The following DYRK1A variants were observed in gnomAD, a reference collection of about 807,000 sequenced individuals.
DYRK1A encodes the protein dual specificity tyrosine phosphorylation regulated kinase 1A.
Under a neutral mutation model 79.7 loss-of-function variants are expected in DYRK1A, and 9 were observed. The ratio of observed to expected loss-of-function variants is 0.11; its 90% CI spans 0.07 to 0.20. The LOEUF (loss-of-function observed/expected upper bound fraction) is 0.20, where lower values mean the gene tolerates loss of function less well. Among genes scored for constraint, DYRK1A ranks in the 10% least tolerant of loss-of-function variants. DYRK1A has a pLI of 1.00. For missense variants in DYRK1A, 622 were observed against 956.0 expected (o/e 0.65, Z 4.61); for synonymous variants, 349 against 329.7 (o/e 1.06, Z -0.63).
At chr21:37,442,737 A>G (rs942565261) in intron 2 of DYRK1A, among the ~76,000 whole-genome samples, 1 of 151,632 alleles carries the variant, frequency 6.6e-6, no homozygotes, top group African/African-American at 2.4e-5. Context: ...GCATGCCTGA[A>G]CTGTAGTTTT....
Position 37,516,229 on chromosome 21 carries a change from G to A in DYRK1A, c.*3698G>A, listed in dbSNP as rs973848957. The A allele has an allele frequency of 6.6e-6, 1 of 152,120 alleles. No homozygotes were observed. The highest frequency in any genetic ancestry group is 2.4e-5 in the African/African-American group (1 of 41,406). 9.4% of individuals were successfully genotyped at this position (152,120 alleles called of 1,614,324 possible). ...ATGGTTCATTCCAAATACATGACTT[G>A]GTCTTACTGCTATATATGAAGGAAG... On this transcript the variant is annotated 3_prime_UTR_variant, in exon 12 of 12. Coordinates refer to ENST00000647188, the MANE Select transcript of DYRK1A (RefSeq NM_001347721.2).
At chr21:37,467,828 C>T (rs1404128327) in intron 2 of DYRK1A, among the ~76,000 whole-genome samples, 1 of 152,078 alleles carries the variant, frequency 6.6e-6, no homozygotes, top group African/African-American at 2.4e-5. Context: ...TCTGTTACCT[C>T]CTTTTTAAAT....
intron 1 of DYRK1A, among the ~76,000 whole-genome samples, chr21:37,409,298 C>T (rs779863671): frequency 1.3e-5 from 2 of 152,144 alleles, no homozygotes; most frequent in Admixed American, 6.5e-5. Flanking sequence ...TTTGATAATA[C>T]AGCAATTCTG....
At chr21:37,451,258 A>G (rs1426158108) in intron 2 of DYRK1A, among the ~76,000 whole-genome samples, 5 of 152,192 alleles carry the variant, frequency 3.3e-5, no homozygotes, top group African/African-American at 1.2e-4. Flanking sequence ...AAATTAGTGT[A>G]GCTTAAATGT....
At position 37,512,765 on chromosome 21, in the gene DYRK1A, G is replaced by C. The variant is rs1462920352; in HGVS notation, c.*234G>C. The C allele has an allele frequency of 1.7e-5, 8 of 484,360 alleles. No homozygotes were observed. In the East Asian group the frequency reaches 2.2e-4, roughly 13 times the overall value. 30.0% of individuals were successfully genotyped at this position (484,360 alleles called of 1,614,324 possible). ...GATAGCTCAGAGGTATCCTCTTTTT[G>C]CTCCCCCATTTTAACTTGCCACATC... is the stretch of plus-strand genomic sequence containing the variant. On this transcript the variant is annotated 3_prime_UTR_variant, in exon 12 of 12. Transcript: ENST00000647188.
At chr21:37,456,632 T>C (rs1018503117) in intron 2 of DYRK1A, among the ~76,000 whole-genome samples, 5 of 152,154 alleles carry the variant, frequency 3.3e-5, no homozygotes, top group African/African-American at 1.2e-4. Flanking sequence ...CTAATGTGTC[T>C]TGAGCACTTT....
chr21:37,517,638 A>T lies in DYRK1A; in HGVS notation c.*5107A>T, dbSNP rs1292835087. 6.6e-6 allele frequency: 1 copy of T among 152,274 alleles called. No individual in the cohort carries two copies. The highest frequency in any genetic ancestry group is 2.4e-5 in the African/African-American group (1 of 41,442). 9.4% of individuals were successfully genotyped at this position (152,274 alleles called of 1,614,324 possible). A position where few individuals can be genotyped will look rare whatever the true frequency, so the allele number is the denominator to read the frequency against. On this transcript the variant is annotated 3_prime_UTR_variant, in exon 12 of 12. Coordinates refer to ENST00000647188, the MANE Select transcript of DYRK1A (RefSeq NM_001347721.2). Reference sequence around the variant, plus strand: ...TTCTGCACTAGGGTGGCCAGGAAGCAGCCAAGCAGGTGTGCCGGGCAGGGA... The same window carrying T: ...TTCTGCACTAGGGTGGCCAGGAAGCTGCCAAGCAGGTGTGCCGGGCAGGGA...
At chr21:37,411,699 G>A (rs1446008676) in intron 1 of DYRK1A, among the ~76,000 whole-genome samples, 1 of 152,126 alleles carries the variant, frequency 6.6e-6, no homozygotes, top group Non-Finnish European at 1.5e-5. Flanking sequence ...ACAATTTTAA[G>A]GTTTAAGTTT....
At chr21:37,368,382 C>G (rs767256397) in intron 1 of DYRK1A, among the ~76,000 whole-genome samples, 55 of 152,208 alleles carry the variant, frequency 3.6e-4, no homozygotes, top group Non-Finnish European at 7.8e-4. Flanking sequence ...ACCAAAGCTG[C>G]TGAGTAGCTC....
intron 1 of DYRK1A, among the ~76,000 whole-genome samples, chr21:37,374,220 G>A (rs1483042511): frequency 2.0e-5 from 3 of 151,678 alleles, no homozygotes; most frequent in Non-Finnish European, 2.9e-5. Context: ...ATGTCTTCTT[G>A]CTCATACCCT....
chr21:37,425,385 T>C (rs2050590258), intron 2 of DYRK1A, among the ~76,000 whole-genome samples: 1 of 152,244 alleles, frequency 6.6e-6, no homozygotes, highest in Non-Finnish European at 1.5e-5. Flanking sequence ...CATTGCTTTT[T>C]ATGTTTCATA....
At chr21:37,447,990 T>G (rs1293356015) in intron 2 of DYRK1A, among the ~76,000 whole-genome samples, 1 of 152,230 alleles carries the variant, frequency 6.6e-6, no homozygotes. Flanking sequence ...ATTCCCACTC[T>G]TCAAGGTGTT....
intron 7 of DYRK1A, 122 bp downstream of exon 7, chr21:37,490,583 CAG>C: frequency 2.7e-6 from 1 of 366,678 alleles, no homozygotes; most frequent in Non-Finnish European, 4.1e-6. Flanking sequence ...GCTGTTTTTG[CAG>C]TGGCAAAAAC....
chr21:37,387,917 TAAAAA>T (rs2049791894), intron 1 of DYRK1A, among the ~76,000 whole-genome samples: 1 of 152,138 alleles, frequency 6.6e-6, no homozygotes, highest in Non-Finnish European at 1.5e-5. Flanking sequence ...TGGATTTCGT[TAAAAA>T]GAAAACACAA....
intron 1 of DYRK1A, among the ~76,000 whole-genome samples, chr21:37,382,593 C>T (rs1027714372): frequency 6.6e-5 from 10 of 152,232 alleles, no homozygotes; most frequent in African/African-American, 2.2e-4. Context: ...GATCTTCAAC[C>T]TTTTGGCAGA....
chr21:37,427,142 C>T (rs1016827625), intron 2 of DYRK1A, among the ~76,000 whole-genome samples: 2 of 152,166 alleles, frequency 1.3e-5, no homozygotes, highest in African/African-American at 4.8e-5. Context: ...GAGAGTCTTG[C>T]TGTGTTGCCT....
chr21:37,393,250 C>T (rs556397616), intron 1 of DYRK1A, among the ~76,000 whole-genome samples: 5 of 152,184 alleles, frequency 3.3e-5, no homozygotes, highest in South Asian at 2.1e-4. Flanking sequence ...TGTGCTTTAC[C>T]GACAGCAGGT....
chr21:37,459,083 A>G (rs752562111), intron 2 of DYRK1A, among the ~76,000 whole-genome samples: 1 of 152,214 alleles, frequency 6.6e-6, no homozygotes, highest in East Asian at 1.9e-4. Flanking sequence ...TCTGACAACT[A>G]CTATAATAGT....
intron 4 of DYRK1A, among the ~76,000 whole-genome samples, chr21:37,479,612 GTTTTTTGTTTTTT>G (rs1384301594): frequency 6.1e-4 from 29 of 47,174 alleles, no homozygotes; most frequent in African/African-American, 2.2e-3. Flanking sequence ...TTTTGTTTTT[GTTTTTTGTTTTTT>G]TTTTTTTTTT....
Sources: allele counts gnomAD v4.1 joint callset (sites outside exome capture counted in the v4.1 genomes callset), GRCh38; gene constraint gnomAD v4.1.1; transcripts MANE v1.5; gene names NCBI Gene and HGNC (gene_info 2026-07-23, HGNC 2026-07-21).